MBOAT2: variants seen among roughly 807,000 people sequenced by gnomAD.
MBOAT2 encodes membrane-bound glycerophospholipid O-acyltransferase 2.
Under a neutral mutation model 63.4 loss-of-function variants are expected in MBOAT2, and 28 were observed. The observed-to-expected ratio is 0.44, with a 90% CI of 0.33 to 0.61. The LOEUF is 0.61. Ranked by LOEUF, MBOAT2 falls within the 20% of genes least tolerant of loss-of-function variation. The pLI, the probability that MBOAT2 is intolerant of heterozygous loss-of-function variation, is 0.03. For missense variants in MBOAT2, 470 were observed against 605.8 expected, an observed-to-expected ratio of 0.78 and a Z score of 2.35; for synonymous variants, 211 against 215.6, an observed-to-expected ratio of 0.98 and a Z score of 0.19.
intron 1 of MBOAT2, among the ~76,000 whole-genome samples, chr2:8,986,207 CAAAAAAAAA>C (rs749608343): frequency 2.7e-5 from 2 of 74,392 alleles, no homozygotes; most frequent in Admixed American, 1.5e-4. Flanking sequence ...ACAAGGTCAC[CAAAAAAAAA>C]AAAAAAAAAA....
Position 8,912,373 on chromosome 2 carries a change from G to GAGAAAGAAAGAAAGAAAGAAAGAA in MBOAT2, c.300-3681_300-3658dup, listed in dbSNP as rs139345161. On this transcript the variant is annotated intron_variant, in intron 3 of 12. Coordinates refer to ENST00000305997, the MANE Select transcript of MBOAT2 (RefSeq NM_138799.4). ...AAAGAGAAAGAAAGAAAGAAAGAAAGAGAAAGAAAGAAAGAAAGAAAGAAA... is the reference window on the plus strand; with the variant it reads ...AAAGAGAAAGAAAGAAAGAAAGAAAGAGAAAGAAAGAAAGAAAGAAAGAAAGAAAGAAAGAAAGAAAGAAAGAAA... Among the ~76,000 whole-genome samples, 107 of 84,354 alleles carry GAGAAAGAAAGAAAGAAAGAAAGAA rather than the reference G, an allele frequency of 1.3e-3. No individual in the cohort carries two copies. In the Middle Eastern group the frequency reaches 0.023, roughly 18 times the overall value. 55.3% of individuals were successfully genotyped at this position (84,354 alleles called of 152,430 possible). A position where few individuals can be genotyped will look rare whatever the true frequency, so the allele number is the denominator to read the frequency against.
intron 4 of MBOAT2, among the ~76,000 whole-genome samples, chr2:8,899,681 C>T (rs1664766904): frequency 6.6e-6 from 1 of 152,170 alleles, no homozygotes; most frequent in Non-Finnish European, 1.5e-5. Context: ...TCTCATTGGA[C>T]AATCTTTTTT....
At position 8,950,961 on chromosome 2, in the gene MBOAT2, T is replaced by C. The variant is rs547380746; in HGVS notation, c.221+7536A>G. Among the ~76,000 whole-genome samples, 5 of 152,312 alleles carry C rather than the reference T, an allele frequency of 3.3e-5. No individual in the cohort carries two copies. The South Asian group carries it at 1.0e-3, about 32-fold the overall frequency. On this transcript the variant is annotated intron_variant, in intron 2 of 12. Coordinates refer to ENST00000305997, the MANE Select transcript of MBOAT2 (RefSeq NM_138799.4). ...CCATTGATTTGTATATGTTGAACCATCCTTGCATCTGAGGAATAAAGCCTA... is the reference window on the plus strand; with the variant it reads ...CCATTGATTTGTATATGTTGAACCACCCTTGCATCTGAGGAATAAAGCCTA...
At chr2:8,886,759 T>C (rs1231445188) in intron 5 of MBOAT2, among the ~76,000 whole-genome samples, 1 of 152,248 alleles carries the variant, frequency 6.6e-6, no homozygotes, top group Non-Finnish European at 1.5e-5. Flanking sequence ...TCTAGATCTA[T>C]GGACAAAATT....
At chr2:8,945,555 G>A (rs931063908) in intron 2 of MBOAT2, among the ~76,000 whole-genome samples, 1 of 152,042 alleles carries the variant, frequency 6.6e-6, no homozygotes, top group Non-Finnish European at 1.5e-5. Flanking sequence ...TCAGAACTGA[G>A]GAAACAAAGA....
chr2:8,883,550 T>C (rs1663307272), intron 5 of MBOAT2, among the ~76,000 whole-genome samples: 1 of 152,240 alleles, frequency 6.6e-6, no homozygotes, highest in Non-Finnish European at 1.5e-5. Flanking sequence ...TCAGGAACTA[T>C]TCTATGCACT....
At chr2:8,958,388 T>C in intron 2 of MBOAT2, 109 bp downstream of exon 2, 4 of 1,151,286 alleles carry the variant, frequency 3.5e-6, no homozygotes, top group Non-Finnish European at 4.6e-6. Context: ...GAAAAAACTT[T>C]TTAAGTAAAT....
At chr2:8,924,523 A>G (rs370092932) in intron 3 of MBOAT2, among the ~76,000 whole-genome samples, 11 of 152,268 alleles carry the variant, frequency 7.2e-5, no homozygotes, top group African/African-American at 2.6e-4. Flanking sequence ...ATCGTGAGGG[A>G]TTTTGTTTGT....
At chr2:8,937,813 T>C (rs148559857) in intron 3 of MBOAT2, among the ~76,000 whole-genome samples, 6 of 152,244 alleles carry the variant, frequency 3.9e-5, no homozygotes, top group Non-Finnish European at 8.8e-5. Context: ...GATCATACCA[T>C]GCGCCAGGCA....
chr2:8,925,967 T>A (rs1421419267), intron 3 of MBOAT2, among the ~76,000 whole-genome samples: 1 of 152,236 alleles, frequency 6.6e-6, no homozygotes, highest in East Asian at 1.9e-4. Context: ...GAAGTAAGTG[T>A]TATTACTCCA....
Position 8,948,875 on chromosome 2 carries a change from GTC to G in MBOAT2, c.222-5613_222-5612del, listed in dbSNP as rs534839646. ...ATATACCCAGTAATGGGATTGCTGG[GTC>G]AAACGGTAGTTGTTTCAAGTTCTTT... is the stretch of plus-strand genomic sequence containing the variant. On this transcript the variant is annotated intron_variant, in intron 2 of 12. Transcript: ENST00000305997. Among the ~76,000 whole-genome samples the G allele has an allele frequency of 5.3e-4, 81 of 152,274 alleles. 1 individual carries two copies. The highest frequency in any genetic ancestry group is 1.9e-3 in the African/African-American group (77 of 41,566).
In MBOAT2 at chr2:8,864,281, C is replaced by T. The variant is rs75120770; in HGVS notation, c.988-47G>A. On this transcript the variant is annotated intron_variant, in intron 9 of 12. Coordinates refer to ENST00000305997, the MANE Select transcript of MBOAT2 (RefSeq NM_138799.4). Reference sequence around the variant, plus strand: ...TTCTTTGTGTCACAAAATAATGAAGCTTTAAATATAATAATATATTATTAT... The same window carrying T: ...TTCTTTGTGTCACAAAATAATGAAGTTTTAAATATAATAATATATTATTAT... 5,896 of 1,131,462 alleles carry T rather than the reference C, an allele frequency of 5.2e-3. 289 individuals carry two copies. The Admixed American group carries it at 0.1, about 20-fold the overall frequency. The allele number at this position is 1,131,462 out of a possible 1,614,324, so 70.1% of individuals were successfully genotyped here. A position where few individuals can be genotyped will look rare whatever the true frequency, so the allele number is the denominator to read the frequency against.
intron 2 of MBOAT2, among the ~76,000 whole-genome samples, chr2:8,951,526 T>C (rs1434166668): frequency 6.6e-6 from 1 of 152,174 alleles, no homozygotes; most frequent in Non-Finnish European, 1.5e-5. Flanking sequence ...TTAGCACATC[T>C]AATAGAAATC....
intron 1 of MBOAT2, among the ~76,000 whole-genome samples, chr2:8,963,543 T>A (rs1669775857): frequency 6.6e-6 from 1 of 152,124 alleles, no homozygotes; most frequent in Admixed American, 6.5e-5. Context: ...CCTCAAGTGA[T>A]CCACCCGCCT....
chr2:8,868,707 T>C (rs947464438), intron 8 of MBOAT2, among the ~76,000 whole-genome samples, 158 bp from the exon 9 acceptor site: 3 of 152,128 alleles, frequency 2.0e-5, no homozygotes, highest in Admixed American at 6.5e-5. Context: ...ACAATGAAAA[T>C]AACATATCTA....
chr2:8,958,988 T>C (rs1669426738), intron 1 of MBOAT2, among the ~76,000 whole-genome samples: 1 of 152,062 alleles, frequency 6.6e-6, no homozygotes, highest in Non-Finnish European at 1.5e-5. Flanking sequence ...GAGAAACGTG[T>C]TTTAATGACT....
chr2:8,987,591 C>G (rs115457862), intron 1 of MBOAT2, among the ~76,000 whole-genome samples: 257 of 152,308 alleles, frequency 1.7e-3, no homozygotes, highest in African/African-American at 5.7e-3. Context: ...TCAGCATGGA[C>G]ACCTCATTGT....
intron 3 of MBOAT2, among the ~76,000 whole-genome samples, chr2:8,923,240 C>A (rs1031612261): frequency 6.6e-6 from 1 of 152,168 alleles, no homozygotes; most frequent in Admixed American, 6.5e-5. Flanking sequence ...CTCTAAATTG[C>A]TTACTGTTTC....
chr2:8,864,238 A>G lies in MBOAT2; in HGVS notation c.988-4T>C, dbSNP rs1444111153. ...ACATCTTGAAACTTGTTGACATCTG[A>G]AAAAAAAGGAAACTTTTTTCTTTGT... On this transcript the variant is annotated splice_region_variant and splice_polypyrimidine_tract_variant and intron_variant, in intron 9 of 12. Transcript: ENST00000305997. 2 of 1,535,626 alleles carry G rather than the reference A, an allele frequency of 1.3e-6. No homozygotes were observed. The highest frequency in any genetic ancestry group is 8.8e-7 in the Non-Finnish European group (1 of 1,141,210).
Sources: allele counts gnomAD v4.1 joint callset (sites outside exome capture counted in the v4.1 genomes callset), GRCh38; gene constraint gnomAD v4.1.1; transcripts MANE v1.5; gene names NCBI Gene and HGNC (gene_info 2026-07-23, HGNC 2026-07-21).